Variants in CORO2A observed in about 807,000 individuals in gnomAD.
CORO2A encodes coronin-2A.
A neutral mutation model predicts 62.4 loss-of-function variants in CORO2A; 47 were observed. That is an observed-to-expected ratio of 0.75 (90% confidence interval 0.60 to 0.96). The LOEUF (loss-of-function observed/expected upper bound fraction) is 0.96, where lower values mean the gene tolerates loss of function less well. Among genes scored for constraint, CORO2A ranks in the 40% least tolerant of loss-of-function variants. The pLI, the probability that CORO2A is intolerant of heterozygous loss-of-function variation, is 0.00. For synonymous variants in CORO2A, 273 were observed against 268.9 expected (o/e 1.02, Z -0.15); for missense variants, 610 against 684.1 (o/e 0.89, Z 1.21).
intron 1 of CORO2A, among the ~76,000 whole-genome samples, chr9:98,165,493 A>C (rs1464396449): frequency 6.6e-6 from 1 of 152,256 alleles, no homozygotes; most frequent in East Asian, 1.9e-4. Flanking sequence ...AAGCCGTGTC[A>C]GGAGCAGGGC....
At chr9:98,161,893 G>A (rs1179776388) in intron 1 of CORO2A, among the ~76,000 whole-genome samples, 1 of 152,136 alleles carries the variant, frequency 6.6e-6, no homozygotes, top group African/African-American at 2.4e-5. Flanking sequence ...GCACCTGTAG[G>A]GGGTACCTGG....
At chr9:98,171,665 G>A (rs1373441728) in intron 1 of CORO2A, among the ~76,000 whole-genome samples, 2 of 152,152 alleles carry the variant, frequency 1.3e-5, no homozygotes, top group East Asian at 1.9e-4. Context: ...AGCAAGCCCA[G>A]CAGAGGAGGG....
chr9:98,151,877 C>A (rs1245861458), intron 2 of CORO2A, among the ~76,000 whole-genome samples: 3 of 145,418 alleles, frequency 2.1e-5, no homozygotes, highest in African/African-American at 7.8e-5. Context: ...AGTACAGTGG[C>A]GCGATCTCGA....
intron 5 of CORO2A, 25 bp downstream of exon 5, chr9:98,133,013 A>G (rs781700479): frequency 1.2e-6 from 2 of 1,612,998 alleles, no homozygotes; most frequent in South Asian, 2.2e-5. Flanking sequence ...TCTGAGCCTG[A>G]GCCAGCCCCT....
intron 11 of CORO2A, 48 bp downstream of exon 11, chr9:98,126,501 C>T (rs1475776811): frequency 1.3e-6 from 2 of 1,585,514 alleles, no homozygotes; most frequent in Non-Finnish European, 1.7e-6. Flanking sequence ...CTGTTCCCCT[C>T]CACCCCAGCT....
chr9:98,126,280 C>T (rs111659018), intron 11 of CORO2A, among the ~76,000 whole-genome samples: 16 of 152,166 alleles, frequency 1.1e-4, no homozygotes, highest in African/African-American at 3.6e-4. Flanking sequence ...ATGATCTGCC[C>T]GCCTTGGCCT....
intron 1 of CORO2A, among the ~76,000 whole-genome samples, chr9:98,189,213 G>T (rs1199724808): frequency 6.6e-6 from 1 of 152,146 alleles, no homozygotes; most frequent in Non-Finnish European, 1.5e-5. Flanking sequence ...ATAGCAGCCT[G>T]CAGACCCCCA....
At chr9:98,125,246 ATTCC>A (rs769677505) in intron 11 of CORO2A, among the ~76,000 whole-genome samples, 129 of 152,182 alleles carry the variant, frequency 8.5e-4, no homozygotes, top group Non-Finnish European at 1.6e-3. Flanking sequence ...CTGAGCTTCC[ATTCC>A]TTCCTCTGGA....
chr9:98,173,013 T>G (rs564341946), intron 1 of CORO2A: 1 of 152,310 alleles, frequency 6.6e-6, no homozygotes, highest in East Asian at 1.9e-4. Flanking sequence ...CCTGGAGGGC[T>G]GGAAAAAAAC....
At chr9:98,164,837 T>C (rs1827936865) in intron 1 of CORO2A, among the ~76,000 whole-genome samples, 1 of 152,192 alleles carries the variant, frequency 6.6e-6, no homozygotes, top group Non-Finnish European at 1.5e-5. Flanking sequence ...ACTGTCTTGG[T>C]TTGCCTCGGA....
intron 1 of CORO2A, among the ~76,000 whole-genome samples, chr9:98,171,269 G>A (rs1251439374): frequency 1.3e-5 from 2 of 152,186 alleles, no homozygotes; most frequent in African/African-American, 4.8e-5. Flanking sequence ...CCGAGGCAGG[G>A]CTGAAGCTCT....
chr9:98,134,778 G>A (rs761312861), intron 4 of CORO2A, 28 bp downstream of exon 4: 2 of 1,580,210 alleles, frequency 1.3e-6, no homozygotes, highest in East Asian at 2.3e-5. Flanking sequence ...TGTTGGGGCT[G>A]CCCCAGAGAA....
chr9:98,152,554 G>T (rs1031710193), intron 2 of CORO2A, among the ~76,000 whole-genome samples: 9 of 152,164 alleles, frequency 5.9e-5, no homozygotes, highest in African/African-American at 2.2e-4. Context: ...AAAGTGCTGG[G>T]CCCATAGGTG....
chr9:98,140,729 C>T (rs1400415972), intron 2 of CORO2A, among the ~76,000 whole-genome samples: 1 of 152,110 alleles, frequency 6.6e-6, no homozygotes, highest in African/African-American at 2.4e-5. Flanking sequence ...CAGGCATGGG[C>T]CACCGTGCCT....
At chr9:98,156,700 G>A (rs533900396) in intron 2 of CORO2A, among the ~76,000 whole-genome samples, 1 of 152,302 alleles carries the variant, frequency 6.6e-6, no homozygotes, top group East Asian at 1.9e-4. Flanking sequence ...TGCTATTTGT[G>A]TTTCAGCTGA....
rs771377811 is a variant in CORO2A at position 98,137,560 on chromosome 9, G to A, written c.318+12C>T. On this transcript the variant is annotated intron_variant, in intron 3 of 11. Transcript: ENST00000375077. ...TTCAGGAAGGGGAAGCCCCTCAGGG[G>A]CTGACACTCACTGTGGCATCTTCAG... 14 of 1,605,038 alleles carry A rather than the reference G, an allele frequency of 8.7e-6. No individual in the cohort carries two copies. The South Asian group carries it at 1.2e-4, about 14-fold the overall frequency.
intron 6 of CORO2A, among the ~76,000 whole-genome samples, chr9:98,131,388 C>T (rs999917094): frequency 6.7e-6 from 1 of 149,984 alleles, no homozygotes; most frequent in Non-Finnish European, 1.5e-5. Context: ...TGCAGTGGTG[C>T]GATCATAGCT....
intron 11 of CORO2A, among the ~76,000 whole-genome samples, chr9:98,125,416 G>A (rs1378638130): frequency 6.6e-6 from 1 of 152,192 alleles, no homozygotes; most frequent in Non-Finnish European, 1.5e-5. Context: ...GAAGCTTAGA[G>A]ACATTCAGTC....
chr9:98,179,205 C>G (rs1828146275), intron 1 of CORO2A, among the ~76,000 whole-genome samples: 1 of 152,196 alleles, frequency 6.6e-6, no homozygotes, highest in African/African-American at 2.4e-5. Context: ...AAACCCTTCC[C>G]TAGGCTCTGG....
Sources: gnomAD v4.1 joint callset for allele counts (sites outside exome capture counted in the v4.1 genomes callset) on GRCh38, gnomAD v4.1.1 for gene constraint, MANE v1.5 for transcripts, NCBI Gene and HGNC (gene_info 2026-07-23, HGNC 2026-07-21) for gene names.